Variants in ACTL8 observed in about 807,000 individuals in gnomAD.
The protein encoded by ACTL8 is actin-like protein 8.
In ACTL8, 3 loss-of-function variants were observed where a neutral mutation model predicts 9.3. That is an observed-to-expected ratio of 0.32 (90% CI 0.15 to 0.83). ACTL8 has a LOEUF of 0.83. Among genes scored for constraint, ACTL8 ranks in the 40% least tolerant of loss-of-function variants. The pLI, the probability that ACTL8 is intolerant of heterozygous loss-of-function variation, is 0.57. For synonymous variants in ACTL8, 224 were observed against 205.9 expected, an observed-to-expected ratio of 1.09 and a Z score of -0.75; for missense variants, 381 against 492.2, an observed-to-expected ratio of 0.77 and a Z score of 2.14.
chr1:17,774,188 T>TG (rs1361938126), intron 1 of ACTL8, among the ~76,000 whole-genome samples: 1 of 152,122 alleles, frequency 6.6e-6, no homozygotes, highest in Non-Finnish European at 1.5e-5. Flanking sequence ...AGCAGGGGCT[T>TG]GGGGGGTACT....
At chr1:17,824,311 G>A (rs1557449833) in intron 2 of ACTL8, among the ~76,000 whole-genome samples, 1 of 152,178 alleles carries the variant, frequency 6.6e-6, no homozygotes, top group Non-Finnish European at 1.5e-5. Context: ...TATATGTTAT[G>A]TAAGATAGAA....
At chr1:17,762,165 G>A (rs886271000) in intron 1 of ACTL8, among the ~76,000 whole-genome samples, 1 of 151,994 alleles carries the variant, frequency 6.6e-6, no homozygotes, top group Non-Finnish European at 1.5e-5. Context: ...CCTGGAGTCC[G>A]GCATAACTGA....
chr1:17,793,638 G>A (rs1196403206), intron 1 of ACTL8, among the ~76,000 whole-genome samples: 1 of 152,148 alleles, frequency 6.6e-6, no homozygotes, highest in Non-Finnish European at 1.5e-5. Context: ...GTGGGGAGAA[G>A]GAAGGAATCT....
At position 17,826,281 on chromosome 1, in the gene ACTL8, G is replaced by A. The variant is rs777181403; in HGVS notation, c.863G>A (p.Arg288His). 9.9e-6 allele frequency: 16 copies of A among 1,610,980 alleles called. No individual in the cohort carries two copies. In the East Asian group the frequency reaches 1.8e-4, roughly 18 times the overall value. The change falls in exon 3 of 3, where the codon CGC (arginine) becomes CAC (histidine). Residue 288 changes from arginine (R) to histidine (H), a missense_variant. Arg to His is a conservative substitution (Grantham distance 29). Transcript: ENST00000375406. This position sits in a 1 kb window ranked among gnomAD's most constrained non-coding sequence, Gnocchi z 4.5. ...ESVESCEISL[R>H]PLLVSHVMAC... Reference sequence around the variant, plus strand: ...GTGGAGTCCTGCGAGATCTCCCTGCGCCCCCTGCTGGTCTCCCACGTGATG... The same window carrying A: ...GTGGAGTCCTGCGAGATCTCCCTGCACCCCCTGCTGGTCTCCCACGTGATG...
At chr1:17,757,995 T>C (rs915446918) in intron 1 of ACTL8, among the ~76,000 whole-genome samples, 5 of 152,192 alleles carry the variant, frequency 3.3e-5, no homozygotes, top group African/African-American at 1.2e-4. Context: ...GCATGTATCA[T>C]GTCTAATCTG....
chr1:17,822,661 A>G (rs1458598091), intron 1 of ACTL8, among the ~76,000 whole-genome samples: 1 of 151,962 alleles, frequency 6.6e-6, no homozygotes, highest in Non-Finnish European at 1.5e-5. Context: ...GAGTAATCCA[A>G]CCCTTTGCAG....
chr1:17,771,017 G>A (rs941834939), intron 1 of ACTL8, among the ~76,000 whole-genome samples: 3 of 152,168 alleles, frequency 2.0e-5, no homozygotes, highest in Non-Finnish European at 4.4e-5. Flanking sequence ...AGCAGTTACC[G>A]CCTCATAGGT....
At chr1:17,779,105 AC>A in intron 1 of ACTL8, among the ~76,000 whole-genome samples, 2 of 152,044 alleles carry the variant, frequency 1.3e-5, no homozygotes, top group East Asian at 3.9e-4. Flanking sequence ...TCCTATACAT[AC>A]CCGAGATTCC....
intron 1 of ACTL8, among the ~76,000 whole-genome samples, chr1:17,793,612 C>A (rs1450136086): frequency 6.6e-6 from 1 of 152,180 alleles, no homozygotes; most frequent in Non-Finnish European, 1.5e-5. Flanking sequence ...TACAGCTTTT[C>A]CAGGCTGCTC....
chr1:17,783,920 C>G (rs2066175840), intron 1 of ACTL8, among the ~76,000 whole-genome samples: 1 of 152,178 alleles, frequency 6.6e-6, no homozygotes, highest in South Asian at 2.1e-4. Flanking sequence ...GCATCATCAC[C>G]CTCTAGATCT....
chr1:17,818,319 G>A (rs773012708), intron 1 of ACTL8, among the ~76,000 whole-genome samples: 18 of 152,108 alleles, frequency 1.2e-4, no homozygotes, highest in Admixed American at 5.2e-4. Flanking sequence ...CCACTTTAGC[G>A]CAGGCTACCC....
At chr1:17,814,810 G>A (rs1246788340) in intron 1 of ACTL8, among the ~76,000 whole-genome samples, 2 of 148,816 alleles carry the variant, frequency 1.3e-5, no homozygotes, top group Non-Finnish European at 1.5e-5. Flanking sequence ...ATAACATGCC[G>A]TACCGGTTTG....
intron 1 of ACTL8, among the ~76,000 whole-genome samples, chr1:17,814,683 C>T (rs2066414354): frequency 6.6e-6 from 1 of 152,148 alleles, no homozygotes; most frequent in South Asian, 2.1e-4. Flanking sequence ...CAATCGCCTA[C>T]AGTATTCAGT....
chr1:17,799,139 T>C (rs2066301543), intron 1 of ACTL8, among the ~76,000 whole-genome samples: 1 of 151,948 alleles, frequency 6.6e-6, no homozygotes, highest in Admixed American at 6.6e-5. Flanking sequence ...CTCTGGGGGG[T>C]GTGCCAAGGT....
Position 17,826,591 on chromosome 1 carries a change from C to T in ACTL8, c.*72C>T. ...GGCGGATTAATTTTAGCAAAATGTT[C>T]TGGGTGGGGGTAGAATGAGGTGGGG... On this transcript the variant is annotated 3_prime_UTR_variant, in exon 3 of 3. Transcript: ENST00000375406. The surrounding 1 kb of genome is among the most constrained non-coding windows in gnomAD (Gnocchi z 4.5). 2 of 1,379,798 alleles carry T rather than the reference C, an allele frequency of 1.4e-6. No homozygotes were observed. The highest frequency in any genetic ancestry group is 1.7e-5 in the South Asian group (1 of 57,524). The allele number at this position is 1,379,798 out of a possible 1,614,324, so 85.5% of individuals were successfully genotyped here.
rs2053723930 is a variant in ACTL8 at position 17,826,468 on chromosome 1, C to T, written c.1050C>T (p.Tyr350=). The T allele has an allele frequency of 6.2e-7, 1 of 1,609,966 alleles. No individual in the cohort carries two copies. The highest frequency in any genetic ancestry group is 1.3e-5 in the African/African-American group (1 of 74,830). Residue 350 remains tyrosine, a synonymous_variant, in exon 3 of 3, where the codon TAC becomes TAT. Transcript: ENST00000375406. This position sits in a 1 kb window ranked among gnomAD's most constrained non-coding sequence, Gnocchi z 4.5. ...GASVVAHLST[Y]QSEWMSREEY... is the part of the protein sequence containing the mutation. ...CCGTGGTGGCTCACCTTTCTACCTA[C>T]CAGTCTGAGTGGATGTCCCGAGAGG... is the stretch of plus-strand genomic sequence containing the variant.
At position 17,767,658 on chromosome 1, in the gene ACTL8, C is replaced by T. The variant is rs1014701783; in HGVS notation, c.-25+12154C>T. On this transcript the variant is annotated intron_variant, in intron 1 of 2. Transcript: ENST00000375406. This position sits in a 1 kb window ranked among gnomAD's most constrained non-coding sequence, Gnocchi z 4.7. ...GTATTGACTGTAGATCAGTGCTCAC[C>T]ATGTTTATCCTCCATAGGTGCTTTA... is the stretch of plus-strand genomic sequence containing the variant. Among the ~76,000 whole-genome samples, 2 of 152,136 alleles carry T rather than the reference C, an allele frequency of 1.3e-5. No homozygotes were observed. The highest frequency in any genetic ancestry group is 4.8e-5 in the African/African-American group (2 of 41,416).
At chr1:17,809,078 A>G (rs979108608) in intron 1 of ACTL8, among the ~76,000 whole-genome samples, 2 of 152,176 alleles carry the variant, frequency 1.3e-5, no homozygotes, top group Admixed American at 6.5e-5. Flanking sequence ...CAGCAAACCA[A>G]TGTATTTTTA....
chr1:17,766,421 A>G (rs1387729506), intron 1 of ACTL8, among the ~76,000 whole-genome samples: 1 of 152,084 alleles, frequency 6.6e-6, no homozygotes, highest in Non-Finnish European at 1.5e-5. Flanking sequence ...TTCTGCTCCC[A>G]TGTCACACAC....
Sources: allele counts gnomAD v4.1 joint callset (sites outside exome capture counted in the v4.1 genomes callset), GRCh38; gene constraint gnomAD v4.1.1; non-coding constraint Gnocchi (gnomAD v3.1); transcripts MANE v1.5; gene names NCBI Gene and HGNC (gene_info 2026-07-23, HGNC 2026-07-21).